Variants in L3MBTL4 observed in about 807,000 individuals in gnomAD.
The protein encoded by L3MBTL4 is lethal(3)malignant brain tumor-like protein 4.
In L3MBTL4, 70 loss-of-function variants were observed where a neutral mutation model predicts 84.5. That is an observed-to-expected ratio of 0.83 (90% CI 0.68 to 1.01). L3MBTL4 has a LOEUF of 1.01. Among genes scored for constraint, L3MBTL4 ranks in the 50% least tolerant of loss-of-function variants. The probability of loss-of-function intolerance (pLI) is 0.00; values close to 1 mark genes in which losing one functional copy is unlikely to be tolerated. For synonymous variants in L3MBTL4, 274 were observed against 259.8 expected (o/e 1.05, Z -0.52); for missense variants, 715 against 754.8 (o/e 0.95, Z 0.62).
chr18:6,311,532 G>A (rs1467759774), intron 3 of L3MBTL4, 22 bp downstream of exon 3: 7 of 1,598,340 alleles, frequency 4.4e-6, no homozygotes, highest in Middle Eastern at 1.8e-4. Context: ...TGTGAGGAAG[G>A]GTCCAGGGAT....
At chr18:6,178,601 C>G (rs891055116) in intron 12 of L3MBTL4, among the ~76,000 whole-genome samples, 3 of 152,192 alleles carry the variant, frequency 2.0e-5, no homozygotes, top group Admixed American at 6.5e-5. Flanking sequence ...CCTTCTTGCT[C>G]AAGCTTTGAT....
At chr18:6,118,208 A>AACACACACGCACACACAC (rs2059416747) in intron 14 of L3MBTL4, among the ~76,000 whole-genome samples, 1 of 141,782 alleles carries the variant, frequency 7.1e-6, no homozygotes, top group African/African-American at 2.7e-5. Context: ...AACACACACA[A>AACACACACGCACACACAC]ACACACACAC....
intron 1 of L3MBTL4, among the ~76,000 whole-genome samples, chr18:6,403,095 A>T (rs1044830725): frequency 6.6e-6 from 1 of 152,244 alleles, no homozygotes; most frequent in Non-Finnish European, 1.5e-5. Context: ...TATGTGGGAC[A>T]GTTCTTCACA....
intron 16 of L3MBTL4, among the ~76,000 whole-genome samples, chr18:6,060,218 G>A (rs1425459383): frequency 6.6e-6 from 1 of 152,052 alleles, no homozygotes; most frequent in Non-Finnish European, 1.5e-5. Flanking sequence ...CTTGAGCTAT[G>A]TGGTTATCCA....
At chr18:6,100,888 G>C (rs60753147) in intron 14 of L3MBTL4, among the ~76,000 whole-genome samples, 351 of 152,314 alleles carry the variant, frequency 2.3e-3, no homozygotes, top group African/African-American at 8.1e-3. Context: ...CTGGATGAGG[G>C]CGTAGGCCCA....
At chr18:5,997,615 C>A (rs993290586) in intron 16 of L3MBTL4, among the ~76,000 whole-genome samples, 5 of 152,116 alleles carry the variant, frequency 3.3e-5, no homozygotes, top group Admixed American at 3.3e-4. Context: ...CCCTCCCCCA[C>A]CTTGAGTTGT....
intron 13 of L3MBTL4, among the ~76,000 whole-genome samples, chr18:6,145,338 T>C (rs894480100): frequency 6.6e-6 from 1 of 152,208 alleles, no homozygotes; most frequent in Non-Finnish European, 1.5e-5. Context: ...CTCCTCCTTC[T>C]AAGAATGTAC....
chr18:6,232,864 T>A (rs953086441), intron 10 of L3MBTL4, among the ~76,000 whole-genome samples: 3 of 152,032 alleles, frequency 2.0e-5, no homozygotes, highest in Admixed American at 2.0e-4. Flanking sequence ...AAAAAATAAC[T>A]AACATATATA....
At chr18:6,102,850 G>A (rs866813326) in intron 14 of L3MBTL4, among the ~76,000 whole-genome samples, 2 of 152,166 alleles carry the variant, frequency 1.3e-5, no homozygotes, top group Admixed American at 1.3e-4. Context: ...AATTGGGCTG[G>A]CACATTATCT....
At chr18:6,253,056 G>A (rs2047994082) in intron 5 of L3MBTL4, among the ~76,000 whole-genome samples, 1 of 152,170 alleles carries the variant, frequency 6.6e-6, no homozygotes, top group Non-Finnish European at 1.5e-5. Context: ...ACAAAAATTA[G>A]CTGGGTGTGG....
At chr18:6,097,466 G>C (rs1304064050) in intron 14 of L3MBTL4, among the ~76,000 whole-genome samples, 1 of 152,160 alleles carries the variant, frequency 6.6e-6, no homozygotes, top group African/African-American at 2.4e-5. Flanking sequence ...CCCTGAGGCT[G>C]GACCCCTGCA....
chr18:6,053,129 C>T (rs1242893314), intron 16 of L3MBTL4, among the ~76,000 whole-genome samples: 1 of 152,158 alleles, frequency 6.6e-6, no homozygotes, highest in East Asian at 1.9e-4. Context: ...CTTCACAATA[C>T]ACTATGCTAA....
chr18:6,040,525 C>T (rs1410881499), intron 16 of L3MBTL4, among the ~76,000 whole-genome samples: 1 of 152,218 alleles, frequency 6.6e-6, no homozygotes, highest in African/African-American at 2.4e-5. Context: ...CAAACAATTA[C>T]TGAGTACCTG....
In L3MBTL4 at chr18:6,004,997, A is replaced by ATTTTTTTTTTTTTTT. The variant is rs60294342; in HGVS notation, c.1445-35450_1445-35436dup. ...ACACATAAAAATGGTTAAGATGATA[A>ATTTTTTTTTTTTTTT]TTTTTTTTTTTTTTTTTTTTTTTTT... On this transcript the variant is annotated intron_variant, in intron 16 of 18. Transcript: ENST00000317931. 2.5e-4 allele frequency among the ~76,000 whole-genome samples: 13 copies of ATTTTTTTTTTTTTTT among 52,150 alleles called. 2 individuals carry two copies. The highest frequency in any genetic ancestry group is 6.7e-4 in the East Asian group (1 of 1,502). The allele number at this position is 52,150 out of a possible 152,430, so 34.2% of individuals were successfully genotyped here.
intron 16 of L3MBTL4, among the ~76,000 whole-genome samples, chr18:6,026,235 A>G (rs988928115): frequency 5.9e-5 from 9 of 152,204 alleles, no homozygotes; most frequent in African/African-American, 1.9e-4. Flanking sequence ...AAGAAAGGAA[A>G]AGGCTTGGTA....
rs143954295 is a variant in L3MBTL4, at chr18:6,172,744, T to C, written c.982-802A>G. Among the ~76,000 whole-genome samples the C allele has an allele frequency of 2.8e-4, 42 of 152,336 alleles. 1 individual carries two copies. In the East Asian group the frequency reaches 7.3e-3, roughly 27 times the overall value. The stretch of plus-strand genomic sequence containing the variant: ...AATAATTATTTCTTAAAAATAATTA[T>C]TTCTTTTAAAAAATCTATATCCTTT... On this transcript the variant is annotated intron_variant, in intron 12 of 18. Coordinates refer to ENST00000317931, the MANE Select transcript of L3MBTL4 (RefSeq NM_001330559.2).
At position 6,219,220 on chromosome 18, in the gene L3MBTL4, T is replaced by TA. The variant is rs140770926; in HGVS notation, c.785-3386dup. ...CGCGTGGCTCCATCAACCTCATACT[T>TA]ATCACTTCGTCCTGCTGAGACTGAA... On this transcript the variant is annotated intron_variant, in intron 10 of 18. Coordinates refer to ENST00000317931, the MANE Select transcript of L3MBTL4 (RefSeq NM_001330559.2). Among the ~76,000 whole-genome samples, 98 of 151,894 alleles carry TA rather than the reference T, an allele frequency of 6.5e-4. No individual in the cohort carries two copies. In the East Asian group the frequency reaches 0.018, roughly 28 times the overall value.
At chr18:6,355,909 C>T (rs1328071266) in intron 1 of L3MBTL4, among the ~76,000 whole-genome samples, 1 of 152,064 alleles carries the variant, frequency 6.6e-6, no homozygotes, top group East Asian at 1.9e-4. Context: ...AGTGATTCAC[C>T]AGCGTGTGCA....
chr18:6,068,490 C>A (rs560142367), intron 16 of L3MBTL4, among the ~76,000 whole-genome samples: 1 of 152,282 alleles, frequency 6.6e-6, no homozygotes, highest in Non-Finnish European at 1.5e-5. Flanking sequence ...CTTCCTGTCC[C>A]AGTATTCCAG....
Sources: gnomAD v4.1 joint callset for allele counts (sites outside exome capture counted in the v4.1 genomes callset) on GRCh38, gnomAD v4.1.1 for gene constraint, MANE v1.5 for transcripts, NCBI Gene and HGNC (gene_info 2026-07-23, HGNC 2026-07-21) for gene names.